PTPRU: variants seen among roughly 807,000 people sequenced by gnomAD.
PTPRU encodes the protein protein tyrosine phosphatase receptor type U.
Under a neutral mutation model 166.3 loss-of-function variants are expected in PTPRU, and 69 were observed. The observed-to-expected ratio is 0.41, with a 90% CI of 0.34 to 0.51. The LOEUF (loss-of-function observed/expected upper bound fraction) is 0.51. PTPRU is among the 20% of genes least tolerant of loss of function. The pLI, the probability that PTPRU is intolerant of heterozygous loss-of-function variation, is 0.09. For missense variants in PTPRU, 1,657 were observed against 2,013.7 expected (o/e 0.82, Z 3.39); for synonymous variants, 793 against 814.0 (o/e 0.97, Z 0.44).
intron 14 of PTPRU, chr1:29,289,773 C>A: frequency 6.3e-7 from 1 of 1,584,352 alleles, no homozygotes. Flanking sequence ...TCCCCTGTCC[C>A]CGCCTTCTCT....
Position 29,258,598 on chromosome 1 carries a change from T to C in PTPRU, c.299T>C (p.Val100Ala), listed in dbSNP as rs764087712. The C allele has an allele frequency of 6.2e-7, 1 of 1,614,250 alleles. No homozygotes were observed. Among genetic ancestry groups the C allele is most frequent in the South Asian group, 1.1e-5 (1 of 91,090 alleles). Residue 100 changes from valine (V) to alanine (A), a missense_variant, in exon 3 of 30, where the codon GTG (valine) becomes GCG (alanine). By Grantham distance (64) the Val-to-Ala change is moderately conservative (BLOSUM62 0). This residue lies in a region of PTPRU where 453 missense variants were observed against 496.9 expected (regional missense o/e 0.91). Coordinates refer to ENST00000373779, the MANE Select transcript of PTPRU (RefSeq NM_133178.4). Reference sequence around the variant, plus strand: ...CTGAGCGAGAATGATACCCACTGTGTGCAGTTCAGCTACTTCCTGTACAGC... The same window carrying C: ...CTGAGCGAGAATGATACCCACTGTGCGCAGTTCAGCTACTTCCTGTACAGC... Reference protein sequence around the residue: ...QSLSENDTHCVQFSYFLYSRD... With the variant: ...QSLSENDTHCAQFSYFLYSRD...
intron 7 of PTPRU, among the ~76,000 whole-genome samples, chr1:29,264,455 C>T (rs1273583246): frequency 6.6e-6 from 1 of 151,532 alleles, no homozygotes; most frequent in Non-Finnish European, 1.5e-5. Flanking sequence ...GGTCTTTGAT[C>T]CACTTTGAGT....
At chr1:29,305,606 T>C in intron 18 of PTPRU, 178 bp downstream of exon 18, 1 of 780,558 alleles carries the variant, frequency 1.3e-6, no homozygotes. Flanking sequence ...GAGCAGCAGC[T>C]TCTGGAAGGC....
intron 1 of PTPRU, among the ~76,000 whole-genome samples, chr1:29,242,302 C>T (rs745400152): frequency 9.9e-5 from 15 of 152,144 alleles, no homozygotes; most frequent in Non-Finnish European, 1.6e-4. Context: ...GTGGGAATGT[C>T]CTGGTGGCTG....
At chr1:29,253,358 T>C (rs1366920830) in intron 1 of PTPRU, among the ~76,000 whole-genome samples, 11 of 152,148 alleles carry the variant, frequency 7.2e-5, no homozygotes. Flanking sequence ...TAGACTTTAC[T>C]TGGCCTTTCC....
intron 5 of PTPRU, 76 bp downstream of exon 5, chr1:29,259,640 C>A: frequency 5.0e-6 from 7 of 1,400,064 alleles, no homozygotes; most frequent in Non-Finnish European, 6.7e-6. Context: ...TGACTCCCCC[C>A]AGATTGCTGA....
intron 1 of PTPRU, among the ~76,000 whole-genome samples, chr1:29,241,075 A>T (rs2151937748): frequency 6.6e-6 from 1 of 152,144 alleles, no homozygotes; most frequent in East Asian, 1.9e-4. Flanking sequence ...GACACATGTG[A>T]CCTGTTAGGG....
chr1:29,312,784 G>T (rs1005323251), intron 22 of PTPRU, 78 bp downstream of exon 22: 9 of 1,493,556 alleles, frequency 6.0e-6, no homozygotes, highest in Non-Finnish European at 7.2e-6. Flanking sequence ...GTTGGTTCAG[G>T]ATCTGTAGTG....
At position 29,280,103 on chromosome 1, in the gene PTPRU, G is replaced by C. The variant is rs769664316; in HGVS notation, c.1830G>C (p.Val610=). 6.2e-7 allele frequency: 1 copy of C among 1,613,618 alleles called. No homozygotes were observed. Among genetic ancestry groups the C allele is most frequent in the East Asian group, 2.2e-5 (1 of 44,872 alleles). ...GCGAGTCTGAGAACACCATCACCGT[G>C]CTGCTGAGGCCGGCACAGGGCCGCG... ...PLGESENTIT[V]LLRPAQGRGA... is the part of the protein sequence containing the mutation. Residue 610 remains valine, a synonymous_variant, in exon 11 of 30, where the codon GTG becomes GTC. Transcript: ENST00000373779. This position sits in a 1 kb window ranked among gnomAD's most constrained non-coding sequence, Gnocchi z 4.2.
At position 29,325,230 on chromosome 1, in the gene PTPRU, C is replaced by G. The variant is rs1282256829; in HGVS notation, c.4152C>G (p.Ala1384=). The change falls in exon 29 of 30, where the codon GCC becomes GCG. Residue 1384 remains alanine (A), a synonymous_variant. Transcript: ENST00000373779. ...GGRSGTFCAC[A]TVLEMIRCHN... Reference sequence around the variant, plus strand: ...GCAGCGGCACCTTCTGCGCCTGCGCCACGGTCCTGGAGATGATCCGCTGCC... The same window carrying G: ...GCAGCGGCACCTTCTGCGCCTGCGCGACGGTCCTGGAGATGATCCGCTGCC... The G allele has an allele frequency of 6.2e-7, 1 of 1,614,242 alleles. No individual in the cohort carries two copies. Among genetic ancestry groups the G allele is most frequent in the Non-Finnish European group, 8.5e-7 (1 of 1,180,052 alleles).
chr1:29,311,815 C>T lies in PTPRU; in HGVS notation c.3072+56C>T. On this transcript the variant is annotated intron_variant, in intron 21 of 29. Coordinates refer to ENST00000373779, the MANE Select transcript of PTPRU (RefSeq NM_133178.4). This position sits in a 1 kb window ranked among gnomAD's most constrained non-coding sequence, Gnocchi z 4.1. ...AGGGTGCCTGAGCAGGGATTAGAGCCCACTCCCACTTCCCCCAGCCCTGGG... is the reference window on the plus strand; with the variant it reads ...AGGGTGCCTGAGCAGGGATTAGAGCTCACTCCCACTTCCCCCAGCCCTGGG... 1 of 1,497,860 alleles carries T rather than the reference C, an allele frequency of 6.7e-7. No homozygotes were observed. The highest frequency in any genetic ancestry group is 9.2e-7 in the Non-Finnish European group (1 of 1,084,908). 92.8% of individuals were successfully genotyped at this position (1,497,860 alleles called of 1,614,324 possible). A position where few individuals can be genotyped will look rare whatever the true frequency, so the allele number is the denominator to read the frequency against.
At chr1:29,283,123 A>C (rs1574659419) in intron 12 of PTPRU, among the ~76,000 whole-genome samples, 174 bp downstream of exon 12, 2 of 86,796 alleles carry the variant, frequency 2.3e-5, no homozygotes, top group African/African-American at 9.4e-5. Flanking sequence ...CCATAGCCCT[A>C]CCTCCTGTAG....
chr1:29,285,934 C>T (rs561304844), intron 14 of PTPRU, among the ~76,000 whole-genome samples: 4 of 152,230 alleles, frequency 2.6e-5, no homozygotes, highest in Non-Finnish European at 2.9e-5. Flanking sequence ...CCCAAGGCTA[C>T]CCGGAGAGCC....
Position 29,259,540 on chromosome 1 carries a change from C to T in PTPRU, c.651C>T (p.Ala217=), listed in dbSNP as rs766864462. The T allele has an allele frequency of 1.5e-6, 2 of 1,370,762 alleles. No homozygotes were observed. Among genetic ancestry groups the T allele is most frequent in the Middle Eastern group, 2.4e-4 (1 of 4,242 alleles). The allele number at this position is 1,370,762 out of a possible 1,614,324, so 84.9% of individuals were successfully genotyped here. Residue 217 remains alanine (A), a synonymous_variant, in exon 5 of 30, where the codon GCC becomes GCT. Coordinates refer to ENST00000373779, the MANE Select transcript of PTPRU (RefSeq NM_133178.4). ...AGTGCATGGCCGCGGGCAGAGCGGCCGAGGCCGAACGCTTCCTCTTGCAAG... is the reference window on the plus strand; with the variant it reads ...AGTGCATGGCCGCGGGCAGAGCGGCTGAGGCCGAACGCTTCCTCTTGCAAG... ...SFQCMAAGRA[A]EAERFLLQRQ...
In PTPRU at chr1:29,260,489, G is replaced by A; in HGVS notation, c.851-121G>A. 2.6e-6 allele frequency: 2 copies of A among 769,626 alleles called. No individual in the cohort carries two copies. Among genetic ancestry groups the A allele is most frequent in the Non-Finnish European group, 3.8e-6 (2 of 520,522 alleles). 47.7% of individuals were successfully genotyped at this position (769,626 alleles called of 1,614,324 possible). A position where few individuals can be genotyped will look rare whatever the true frequency, so the allele number is the denominator to read the frequency against. ...GAGAGCGGGTCTGGTTGAGGGCTTGGTAGCAGCGTGAGAGGCCCTAGGAGG... is the reference window on the plus strand; with the variant it reads ...GAGAGCGGGTCTGGTTGAGGGCTTGATAGCAGCGTGAGAGGCCCTAGGAGG... On this transcript the variant is annotated intron_variant, in intron 6 of 29. Transcript: ENST00000373779. The surrounding 1 kb of genome is among the most constrained non-coding windows in gnomAD (Gnocchi z 8.3).
intron 29 of PTPRU, 91 bp from the exon 30 acceptor site, chr1:29,325,508 G>C (rs1388404686): frequency 1.3e-6 from 2 of 1,518,052 alleles, no homozygotes; most frequent in Admixed American, 1.7e-5. Flanking sequence ...GCTCGGGCTC[G>C]TGCTTGCCCT....
chr1:29,260,608 A>G lies in PTPRU; in HGVS notation c.851-2A>G. On this transcript the variant is annotated splice_acceptor_variant, in intron 6 of 29. Coordinates refer to ENST00000373779, the MANE Select transcript of PTPRU (RefSeq NM_133178.4). LOFTEE classifies it high-confidence loss of function. This position sits in a 1 kb window ranked among gnomAD's most constrained non-coding sequence, Gnocchi z 8.3. ...CCTCGCCTCTCCCCCATCTCCTCGC[A>G]GAGCCCCCAACTCCCATCGCGCCCC... The G allele has an allele frequency of 6.7e-7, 1 of 1,488,034 alleles. No homozygotes were observed. The allele number at this position is 1,488,034 out of a possible 1,614,324, so 92.2% of individuals were successfully genotyped here.
Position 29,315,263 on chromosome 1 carries a change from G to A in PTPRU, c.3228-109G>A, listed in dbSNP as rs1418719267. The A allele has an allele frequency of 9.5e-6, 13 of 1,375,596 alleles. No homozygotes were observed. The highest frequency in any genetic ancestry group is 3.8e-5 in the Admixed American group (2 of 52,968). 85.2% of individuals were successfully genotyped at this position (1,375,596 alleles called of 1,614,324 possible). A position where few individuals can be genotyped will look rare whatever the true frequency, so the allele number is the denominator to read the frequency against. ...GGGAGGGGCAGTCATCTCTGTGTCC[G>A]TGTCCCCTGTATGGTGTAGACATGG... On this transcript the variant is annotated intron_variant, in intron 22 of 29. Coordinates refer to ENST00000373779, the MANE Select transcript of PTPRU (RefSeq NM_133178.4). The surrounding 1 kb of genome is among the most constrained non-coding windows in gnomAD (Gnocchi z 4.5).
rs1014805644 is a variant in PTPRU at position 29,280,403 on chromosome 1, G to A, written c.1868+262G>A. Among the ~76,000 whole-genome samples, 5 of 152,204 alleles carry A rather than the reference G, an allele frequency of 3.3e-5. No individual in the cohort carries two copies. The highest frequency in any genetic ancestry group is 3.3e-4 in the Admixed American group (5 of 15,286). ...CCAGCCTGGAGAGGGGACTGTCCAG[G>A]CCTGTCCAGGGGGCCTTTCCTCAGA... On this transcript the variant is annotated intron_variant, in intron 11 of 29. Transcript: ENST00000373779. This position sits in a 1 kb window ranked among gnomAD's most constrained non-coding sequence, Gnocchi z 4.2.
Sources: allele counts gnomAD v4.1 joint callset (sites outside exome capture counted in the v4.1 genomes callset), GRCh38; gene constraint gnomAD v4.1.1; regional missense constraint gnomAD v4.1.1; non-coding constraint Gnocchi (gnomAD v3.1); transcripts MANE v1.5; gene names NCBI Gene and HGNC (gene_info 2026-07-23, HGNC 2026-07-21).